BMPER: variants seen among roughly 807,000 people sequenced by gnomAD.
The protein encoded by BMPER is BMP-binding endothelial regulator protein.
In BMPER, 45 loss-of-function variants were observed where a neutral mutation model predicts 87.3. The ratio of observed to expected loss-of-function variants is 0.52; its 90% CI spans 0.41 to 0.66. The LOEUF (loss-of-function observed/expected upper bound fraction) is 0.66, where lower values mean the gene tolerates loss of function less well. BMPER is among the 30% of genes least tolerant of loss of function. The pLI is 0.00. For synonymous variants in BMPER, 326 were observed against 316.2 expected (o/e 1.03, Z -0.33); for missense variants, 784 against 867.5 (o/e 0.90, Z 1.21).
rs539954946 is a variant in BMPER, at chr7:34,155,609, T to C, written c.*2336T>C. On this transcript the variant is annotated 3_prime_UTR_variant, in exon 15 of 15. Coordinates refer to ENST00000649409, the MANE Select transcript of BMPER (RefSeq NM_001365308.1). ...AAGGGAGGGCAGAGAGGACAGAAAA[T>C]TACTTGGGTTTACTAATTCAAAGAG... 1.3e-5 allele frequency: 2 copies of C among 152,260 alleles called. No homozygotes were observed. Among genetic ancestry groups the C allele is most frequent in the African/African-American group, 4.8e-5 (2 of 41,552 alleles). 9.4% of individuals were successfully genotyped at this position (152,260 alleles called of 1,614,324 possible).
At chr7:34,022,238 T>A (rs1787209475) in intron 6 of BMPER, among the ~76,000 whole-genome samples, 1 of 152,024 alleles carries the variant, frequency 6.6e-6, no homozygotes, top group African/African-American at 2.4e-5. Flanking sequence ...TCCCACTTAG[T>A]AAGATTTACT....
chr7:34,078,790 C>G, intron 11 of BMPER, 67 bp from the exon 12 acceptor site: 1 of 1,512,472 alleles, frequency 6.6e-7, no homozygotes, highest in South Asian at 1.1e-5. Flanking sequence ...CCAGCAGGTG[C>G]CCCTGATTTC....
intron 6 of BMPER, among the ~76,000 whole-genome samples, chr7:34,001,563 C>CTTTTTTTTTTTTT (rs34700644): frequency 7.2e-6 from 1 of 138,612 alleles, no homozygotes; most frequent in African/African-American, 2.6e-5. Flanking sequence ...AATCTGCTTT[C>CTTTTTTTTTTTTT]TTTTTTTTTT....
chr7:34,136,824 C>T (rs1283616973), intron 13 of BMPER, among the ~76,000 whole-genome samples: 1 of 152,202 alleles, frequency 6.6e-6, no homozygotes, highest in African/African-American at 2.4e-5. Flanking sequence ...ATATCTGGCT[C>T]CGAGGTGGAG....
chr7:33,911,773 A>T (rs970384326), intron 2 of BMPER, among the ~76,000 whole-genome samples: 38 of 152,220 alleles, frequency 2.5e-4, no homozygotes, highest in Non-Finnish European at 4.0e-4. Context: ...GATGTAGCAC[A>T]TAAAGTTTGG....
chr7:34,024,578 T>C (rs1259685173), intron 6 of BMPER, among the ~76,000 whole-genome samples: 1 of 150,716 alleles, frequency 6.6e-6, no homozygotes, highest in Non-Finnish European at 1.5e-5. Context: ...TTTAGCTGTT[T>C]CTTCTGATGT....
At position 34,060,098 on chromosome 7, in the gene BMPER, A is replaced by G. The variant is rs563080798; in HGVS notation, c.1033-1904A>G. On this transcript the variant is annotated intron_variant, in intron 10 of 14. Transcript: ENST00000649409. ...GGTATTTCTAGACCCTGCTTATGGA[A>G]GAGCCTGCAGCATGACCAGAGTCTT... Among the ~76,000 whole-genome samples the G allele has an allele frequency of 9.2e-5, 14 of 152,272 alleles. No homozygotes were observed. In the South Asian group the frequency reaches 2.9e-3, roughly 32 times the overall value.
intron 3 of BMPER, among the ~76,000 whole-genome samples, chr7:33,954,368 T>C (rs893654332): frequency 3.7e-4 from 56 of 152,240 alleles, no homozygotes; most frequent in Admixed American, 3.7e-3. Context: ...ACAGAGCCAC[T>C]GGCGTCTAAT....
chr7:33,984,413 C>T (rs1162319629), intron 6 of BMPER, among the ~76,000 whole-genome samples: 3 of 151,688 alleles, frequency 2.0e-5, no homozygotes, highest in East Asian at 1.9e-4. Flanking sequence ...TGCAGTGAGC[C>T]GAGATCATGC....
chr7:34,108,824 A>T (rs1011571656), intron 13 of BMPER, among the ~76,000 whole-genome samples: 5 of 152,240 alleles, frequency 3.3e-5, no homozygotes, highest in Non-Finnish European at 7.3e-5. Flanking sequence ...CTAAACATTA[A>T]ATACTTCCTT....
In BMPER at chr7:34,079,053, G is replaced by A. The variant is rs779788878; in HGVS notation, c.1275G>A (p.Leu425=). The A allele has an allele frequency of 2.5e-6, 4 of 1,614,032 alleles. No homozygotes were observed. The highest frequency in any genetic ancestry group is 1.3e-5 in the African/African-American group (1 of 74,934). ...FSWTKSVELV[L]GESRVSLQQH... is the part of the protein sequence containing the mutation. ...GGACCAAGTCGGTGGAGCTGGTGCT[G>A]GGCGAGAGCAGGGTCAGCCTGCAGC... Residue 425 remains leucine, a synonymous_variant, in exon 12 of 15, where the codon CTG becomes CTA. Coordinates refer to ENST00000649409, the MANE Select transcript of BMPER (RefSeq NM_001365308.1).
intron 2 of BMPER, chr7:33,922,055 T>G (rs1420824049): frequency 8.9e-6 from 3 of 336,724 alleles, no homozygotes; most frequent in Non-Finnish European, 1.8e-5. Flanking sequence ...TCCCTTTTGC[T>G]GCCCTGTTTC....
At chr7:34,104,474 G>C (rs561552589) in intron 13 of BMPER, among the ~76,000 whole-genome samples, 1 of 152,136 alleles carries the variant, frequency 6.6e-6, no homozygotes, top group South Asian at 2.1e-4. Flanking sequence ...ATGATTGCAG[G>C]GTGTTTAAAC....
chr7:34,083,464 A>T (rs1382780070), intron 12 of BMPER, among the ~76,000 whole-genome samples: 1 of 152,088 alleles, frequency 6.6e-6, no homozygotes, highest in Non-Finnish European at 1.5e-5. Context: ...AATCTCTAAA[A>T]TTTTTTTTGG....
intron 13 of BMPER, among the ~76,000 whole-genome samples, chr7:34,121,009 T>C (rs1217638052): frequency 6.6e-6 from 1 of 151,092 alleles, no homozygotes; most frequent in Admixed American, 6.6e-5. Flanking sequence ...TCGTAGGTAA[T>C]ATATAATTAT....
At position 34,046,395 on chromosome 7, in the gene BMPER, C is replaced by T. The variant is rs201438246; in HGVS notation, c.666C>T (p.Pro222=). ...ACATACCCCCAGGACAGTGCTGCCC[C>T]AAATGTTTGGGTGAGTTACTATTTT... is the stretch of plus-strand genomic sequence containing the variant. ...LSHIPPGQCC[P]KCLGQRKVFD... is the part of the protein sequence containing the mutation. The change falls in exon 7 of 15, where the codon CCC becomes CCT. Residue 222 remains proline (P), a synonymous_variant. Coordinates refer to ENST00000649409, the MANE Select transcript of BMPER (RefSeq NM_001365308.1). 3.7e-6 allele frequency: 6 copies of T among 1,613,684 alleles called. No homozygotes were observed. The highest frequency in any genetic ancestry group is 5.1e-6 in the Non-Finnish European group (6 of 1,179,646).
chr7:34,039,731 T>C (rs992623376), intron 6 of BMPER, among the ~76,000 whole-genome samples: 2 of 152,112 alleles, frequency 1.3e-5, no homozygotes, highest in African/African-American at 4.8e-5. Flanking sequence ...TATATGTGTG[T>C]ATATCTATAT....
chr7:34,143,134 C>T (rs1319166416), intron 13 of BMPER, 96 bp from the exon 14 acceptor site: 5 of 1,563,966 alleles, frequency 3.2e-6, no homozygotes, highest in South Asian at 1.1e-5. Flanking sequence ...ATGGGCCAAT[C>T]AGGTTTTCCC....
chr7:33,986,237 A>G (rs929739887), intron 6 of BMPER, among the ~76,000 whole-genome samples: 7 of 152,080 alleles, frequency 4.6e-5, no homozygotes, highest in African/African-American at 9.7e-5. Context: ...AAAGAGAACT[A>G]TCCAGAATCC....
Sources: allele counts gnomAD v4.1 joint callset (sites outside exome capture counted in the v4.1 genomes callset), GRCh38; gene constraint gnomAD v4.1.1; transcripts MANE v1.5; gene names NCBI Gene and HGNC (gene_info 2026-07-23, HGNC 2026-07-21).